LOXL2: variants seen among roughly 807,000 people sequenced by gnomAD.
LOXL2 encodes the protein lysyl oxidase like 2.
In LOXL2, 70 loss-of-function variants were observed where a neutral mutation model predicts 93.0. That is an observed-to-expected ratio of 0.75 (90% CI 0.62 to 0.92). The LOEUF (loss-of-function observed/expected upper bound fraction) is 0.92. Ranked by LOEUF, LOXL2 falls within the 40% of genes least tolerant of loss-of-function variation. The pLI, the probability that LOXL2 is intolerant of heterozygous loss-of-function variation, is 0.00. For missense variants in LOXL2, 973 were observed against 1,054.9 expected (o/e 0.92, Z 1.08); for synonymous variants, 438 against 413.2 (o/e 1.06, Z -0.73).
At chr8:23,332,934 C>T (rs1333821058) in intron 5 of LOXL2, among the ~76,000 whole-genome samples, 1 of 151,186 alleles carries the variant, frequency 6.6e-6, no homozygotes, top group East Asian at 2.0e-4. Flanking sequence ...GGGTGTTTCA[C>T]ATAAGTATAA....
chr8:23,297,942 G>T lies in LOXL2; in HGVS notation c.*101C>A. 1 of 949,556 alleles carries T rather than the reference G, an allele frequency of 1.1e-6. No individual in the cohort carries two copies. The highest frequency in any genetic ancestry group is 1.7e-6 in the Non-Finnish European group (1 of 601,660). 58.8% of individuals were successfully genotyped at this position (949,556 alleles called of 1,614,324 possible). ...GTCTGGACAGGGTGGGGGCCGGGCTGGGTGAGGGCACGTGGCATTCGTTCA... is the reference window on the plus strand; with the variant it reads ...GTCTGGACAGGGTGGGGGCCGGGCTTGGTGAGGGCACGTGGCATTCGTTCA... On this transcript the variant is annotated 3_prime_UTR_variant, in exon 14 of 14. Coordinates refer to ENST00000389131, the MANE Select transcript of LOXL2 (RefSeq NM_002318.3).
At chr8:23,344,435 G>A (rs1803935249) in intron 3 of LOXL2, among the ~76,000 whole-genome samples, 2 of 152,008 alleles carry the variant, frequency 1.3e-5, no homozygotes, top group Admixed American at 1.3e-4. Context: ...GGTGGTGTGT[G>A]CTTGATGGTC....
In LOXL2 at chr8:23,322,245, G is replaced by A. The variant is rs576573847; in HGVS notation, c.1187C>T (p.Thr396Ile). Residue 396 changes from threonine to isoleucine, a missense_variant, in exon 7 of 14, where the codon ACA becomes ATA. Coordinates refer to ENST00000389131, the MANE Select transcript of LOXL2 (RefSeq NM_002318.3). ...GTCTATAATGGACTTCTCATTGCCT[G>A]TGCACTGGATCTCGTTGAGGTGGAT... ...GPIHLNEIQC[T>I]GNEKSIIDCK... 25 of 1,614,192 alleles carry A rather than the reference G, an allele frequency of 1.5e-5. No homozygotes were observed. In the Admixed American group the frequency reaches 2.5e-4, roughly 16 times the overall value.
intron 2 of LOXL2, 96 bp from the exon 3 acceptor site, chr8:23,360,361 C>T: frequency 1.0e-6 from 1 of 956,700 alleles, no homozygotes; most frequent in South Asian, 1.7e-5. Flanking sequence ...GAGAATTTTT[C>T]TCTAATTTTG....
intron 1 of LOXL2, among the ~76,000 whole-genome samples, chr8:23,399,656 C>T (rs1237425651): frequency 6.6e-6 from 1 of 152,224 alleles, no homozygotes; most frequent in African/African-American, 2.4e-5. Context: ...GTCTCCATAA[C>T]TGTAAGAACT....
At chr8:23,320,933 GGAA>G (rs1469584224) in intron 7 of LOXL2, among the ~76,000 whole-genome samples, 1 of 152,140 alleles carries the variant, frequency 6.6e-6, no homozygotes, top group Non-Finnish European at 1.5e-5. Context: ...AAAACCAGGA[GGAA>G]GGGTGGGCTT....
rs113521209 is a variant in LOXL2 at position 23,341,525 on chromosome 8, C to T, written c.532-322G>A. On this transcript the variant is annotated intron_variant, in intron 3 of 13. Coordinates refer to ENST00000389131, the MANE Select transcript of LOXL2 (RefSeq NM_002318.3). ...GATCTTGGAGAGCAAAGGGCAGCAG[C>T]CTCCTCCTGCACAGGCCTCGAAATA... The T allele has an allele frequency of 6.9e-4, 298 of 432,330 alleles. 2 individuals carry two copies. Among genetic ancestry groups the T allele is most frequent in the African/African-American group, 5.7e-3 (286 of 50,160 alleles). The allele number at this position is 432,330 out of a possible 1,614,324, so 26.8% of individuals were successfully genotyped here. A position where few individuals can be genotyped will look rare whatever the true frequency, so the allele number is the denominator to read the frequency against.
At position 23,316,975 on chromosome 8, in the gene LOXL2, T is replaced by C. The variant is rs1368919752; in HGVS notation, c.1610A>G (p.Tyr537Cys). ...TTCTGAGCAGGCAACTCCGGCCCCG[T>C]ACTGCACTCCGCCCTGGGGGCAGGC... ...DVACPQGGVQ[Y>C]GAGVACSETA... Residue 537 changes from tyrosine (Y) to cysteine (C), a missense_variant, in exon 9 of 14, where the codon TAC (tyrosine) becomes TGC (cysteine). Coordinates refer to ENST00000389131, the MANE Select transcript of LOXL2 (RefSeq NM_002318.3). The C allele has an allele frequency of 2.5e-6, 4 of 1,612,674 alleles. No homozygotes were observed. In the African/African-American group the frequency reaches 4.0e-5, roughly 16 times the overall value.
chr8:23,310,102 T>C (rs1291336389), intron 9 of LOXL2, among the ~76,000 whole-genome samples, 191 bp from the exon 10 acceptor site: 2 of 152,228 alleles, frequency 1.3e-5, no homozygotes, highest in Non-Finnish European at 2.9e-5. Context: ...GTGAGTCCTC[T>C]TTGACAACTC....
At chr8:23,366,639 C>T (rs367796053) in intron 2 of LOXL2, among the ~76,000 whole-genome samples, 27 of 152,306 alleles carry the variant, frequency 1.8e-4, no homozygotes, top group Middle Eastern at 3.4e-3. Context: ...GCGATTCTTA[C>T]GCAGTCAGCA....
chr8:23,402,211 G>A (rs942549738), intron 1 of LOXL2, among the ~76,000 whole-genome samples: 4 of 150,816 alleles, frequency 2.7e-5, no homozygotes, highest in Admixed American at 1.3e-4. Flanking sequence ...ACCTGTGTGC[G>A]CATATAAACA....
intron 1 of LOXL2, among the ~76,000 whole-genome samples, chr8:23,402,228 G>C (rs578135332): frequency 6.9e-6 from 1 of 144,734 alleles, no homozygotes; most frequent in African/African-American, 2.6e-5. Context: ...AACACACACC[G>C]GTGCACACAC....
intron 5 of LOXL2, among the ~76,000 whole-genome samples, chr8:23,330,378 C>T (rs1803653164): frequency 6.6e-6 from 1 of 152,038 alleles, no homozygotes; most frequent in Admixed American, 6.6e-5. Context: ...CAAAAAAAAT[C>T]CAAACAGAAC....
chr8:23,329,324 G>T (rs17088179), intron 5 of LOXL2, among the ~76,000 whole-genome samples: 3,968 of 152,308 alleles, frequency 0.026, 168 homozygotes, highest in African/African-American at 0.09. Flanking sequence ...AGCCCAATCA[G>T]CTATGCAGAG....
chr8:23,383,268 C>T (rs1804705378), intron 1 of LOXL2, among the ~76,000 whole-genome samples: 1 of 152,092 alleles, frequency 6.6e-6, no homozygotes, highest in African/African-American at 2.4e-5. Context: ...GCCCCACTTC[C>T]TAGCTATATT....
At chr8:23,323,342 A>T (rs1803527475) in intron 6 of LOXL2, among the ~76,000 whole-genome samples, 1 of 152,194 alleles carries the variant, frequency 6.6e-6, no homozygotes, top group Admixed American at 6.5e-5. Flanking sequence ...TCTGTCTGGG[A>T]AACAGCTGGG....
intron 1 of LOXL2, among the ~76,000 whole-genome samples, chr8:23,378,661 ACTTCT>A (rs1804628137): frequency 6.6e-6 from 1 of 151,902 alleles, no homozygotes; most frequent in South Asian, 2.1e-4. Flanking sequence ...TTTTCTCTAA[ACTTCT>A]CTTCTCGCTT....
At chr8:23,381,681 T>G (rs925717562) in intron 1 of LOXL2, among the ~76,000 whole-genome samples, 6 of 152,212 alleles carry the variant, frequency 3.9e-5, no homozygotes, top group African/African-American at 1.4e-4. Context: ...CTTGTTGCTT[T>G]GTAAGATTCA....
intron 4 of LOXL2, 48 bp from the exon 5 acceptor site, chr8:23,333,671 C>T: frequency 6.8e-7 from 1 of 1,471,900 alleles, no homozygotes; most frequent in Non-Finnish European, 9.4e-7. Flanking sequence ...ATGACGCCTA[C>T]CCCGATTCCT....
Sources: allele counts gnomAD v4.1 joint callset (sites outside exome capture counted in the v4.1 genomes callset), GRCh38; gene constraint gnomAD v4.1.1; transcripts MANE v1.5; gene names NCBI Gene and HGNC (gene_info 2026-07-23, HGNC 2026-07-21).